The following ATP9B variants were observed in gnomAD, a reference collection of about 807,000 sequenced individuals.
ATP9B encodes the protein probable phospholipid-transporting ATPase IIB.
A neutral mutation model predicts 146.1 loss-of-function variants in ATP9B; 110 were observed. The observed-to-expected ratio is 0.75, with a 90% confidence interval of 0.65 to 0.88. The LOEUF (loss-of-function observed/expected upper bound fraction) is 0.88, where lower values mean the gene tolerates loss of function less well. Among genes scored for constraint, ATP9B ranks in the 40% least tolerant of loss-of-function variants. ATP9B has a pLI of 0.00. For missense variants in ATP9B, 1,499 were observed against 1,496.4 expected, an observed-to-expected ratio of 1.00 and a Z score of -0.03; for synonymous variants, 604 against 569.7, an observed-to-expected ratio of 1.06 and a Z score of -0.86.
intron 12 of ATP9B, among the ~76,000 whole-genome samples, chr18:79,272,364 C>T (rs751879749): frequency 6.6e-6 from 1 of 152,154 alleles, no homozygotes; most frequent in South Asian, 2.1e-4. Context: ...CCTGATGCAC[C>T]GTATGCATGT....
chr18:79,202,911 C>G (rs1468492955), intron 9 of ATP9B, among the ~76,000 whole-genome samples: 1 of 152,106 alleles, frequency 6.6e-6, no homozygotes, highest in Non-Finnish European at 1.5e-5. Context: ...ATTTGAGAAA[C>G]CCTTCTAAAA....
intron 12 of ATP9B, among the ~76,000 whole-genome samples, chr18:79,272,442 T>C (rs926865603): frequency 1.3e-5 from 2 of 152,110 alleles, no homozygotes; most frequent in Non-Finnish European, 2.9e-5. Flanking sequence ...GATACGCTCC[T>C]GTCCCTGAGC....
At chr18:79,322,665 C>T (rs935062939) in intron 15 of ATP9B, among the ~76,000 whole-genome samples, 6 of 152,192 alleles carry the variant, frequency 3.9e-5, no homozygotes, top group African/African-American at 1.4e-4. Context: ...TGGATTTGCT[C>T]CTATTTGTGT....
At chr18:79,375,795 C>G in intron 29 of ATP9B, 1 of 985,456 alleles carries the variant, frequency 1.0e-6, no homozygotes, top group Non-Finnish European at 1.2e-6. Flanking sequence ...CCCCTTCATA[C>G]AGAGATCCAG....
At chr18:79,174,650 G>T (rs533650029) in intron 7 of ATP9B, among the ~76,000 whole-genome samples, 2 of 152,282 alleles carry the variant, frequency 1.3e-5, no homozygotes, top group African/African-American at 4.8e-5. Flanking sequence ...TCTAGATTGT[G>T]TGAGTGCATA....
At chr18:79,219,730 A>G (rs1368751237) in intron 11 of ATP9B, among the ~76,000 whole-genome samples, 1 of 151,296 alleles carries the variant, frequency 6.6e-6, no homozygotes, top group African/African-American at 2.4e-5. Flanking sequence ...TCTTCATTAC[A>G]GTGTGTATAG....
At chr18:79,245,931 C>G in intron 11 of ATP9B, among the ~76,000 whole-genome samples, 1 of 149,416 alleles carries the variant, frequency 6.7e-6, no homozygotes, top group Non-Finnish European at 1.5e-5. Flanking sequence ...GTGCGGAGGG[C>G]ACCACCCTAC....
At chr18:79,208,097 T>C (rs911020331) in intron 10 of ATP9B, among the ~76,000 whole-genome samples, 18 of 151,962 alleles carry the variant, frequency 1.2e-4, no homozygotes, top group African/African-American at 3.9e-4. Context: ...TACAAAAAAT[T>C]AGCCGGGCGT....
At chr18:79,110,314 G>C (rs1226590304) in intron 2 of ATP9B, 41 bp from the exon 3 acceptor site, 1 of 1,493,378 alleles carries the variant, frequency 6.7e-7, no homozygotes, top group Non-Finnish European at 8.9e-7. Flanking sequence ...TTTTTAAAAA[G>C]CAAAAAAAAA....
At chr18:79,175,001 C>G (rs1289695055) in intron 7 of ATP9B, among the ~76,000 whole-genome samples, 1 of 151,866 alleles carries the variant, frequency 6.6e-6, no homozygotes, top group East Asian at 1.9e-4. Context: ...GAGATCGAGA[C>G]CATCCTGGCC....
At chr18:79,126,224 G>C (rs1263444629) in intron 4 of ATP9B, 43 bp from the exon 5 acceptor site, 12 of 1,493,044 alleles carry the variant, frequency 8.0e-6, no homozygotes, top group Middle Eastern at 1.8e-4. Context: ...TGTCTTTTTT[G>C]TTAAAGTTTA....
At chr18:79,069,555 T>G in intron 1 of ATP9B, 26 bp downstream of exon 1, 1 of 1,283,992 alleles carries the variant, frequency 7.8e-7, no homozygotes, top group Non-Finnish European at 9.9e-7. Context: ...CTGGCCCCGT[T>G]CCCCGCCGAC....
chr18:79,181,352 G>T lies in ATP9B; in HGVS notation c.873+4445G>T, dbSNP rs191331729. On this transcript the variant is annotated intron_variant, in intron 8 of 29. Coordinates refer to ENST00000426216, the MANE Select transcript of ATP9B (RefSeq NM_198531.5). ...TCATTTGTCTTGCTTGGGTTTGTTG[G>T]GCTTCTTGTATCTGGAGTTTCATGG... Among the ~76,000 whole-genome samples, 456 of 152,084 alleles carry T rather than the reference G, an allele frequency of 3.0e-3. 4 individuals carry two copies. Among genetic ancestry groups the T allele is most frequent in the Non-Finnish European group, 4.5e-3 (309 of 67,990 alleles).
At chr18:79,375,882 C>T (rs1231147416) in intron 29 of ATP9B, 1 of 985,292 alleles carries the variant, frequency 1.0e-6, no homozygotes, top group Admixed American at 6.2e-5. Context: ...CGGCAACAGT[C>T]TAAAGGGATT....
At chr18:79,176,171 T>G (rs2095166346) in intron 7 of ATP9B, among the ~76,000 whole-genome samples, 1 of 152,248 alleles carries the variant, frequency 6.6e-6, no homozygotes, top group South Asian at 2.1e-4. Flanking sequence ...CTTCTGTTAT[T>G]ATAAATAATG....
In ATP9B at chr18:79,327,556, CGTGCTCTCCGTGGTT is replaced by C. The variant is rs1568697455; in HGVS notation, c.1774-1584_1774-1570del. 8.3e-3 allele frequency among the ~76,000 whole-genome samples: 885 copies of C among 107,046 alleles called. 50 individuals carry two copies. Among genetic ancestry groups the C allele is most frequent in the African/African-American group, 0.035 (818 of 23,128 alleles). The allele number at this position is 107,046 out of a possible 152,430, so 70.2% of individuals were successfully genotyped here. On this transcript the variant is annotated intron_variant, in intron 15 of 29. Coordinates refer to ENST00000426216, the MANE Select transcript of ATP9B (RefSeq NM_198531.5). ...TGGTTAGCGTGCTCTCCGTGGTTAG[CGTGCTCTCCGTGGTT>C]AGCGTGCTCTCCGTGGTTAACGTGC...
chr18:79,222,662 T>TG (rs2095691591), intron 11 of ATP9B, among the ~76,000 whole-genome samples: 1 of 152,206 alleles, frequency 6.6e-6, no homozygotes. Flanking sequence ...TTCTTGAAGG[T>TG]GAGGATTAGA....
chr18:79,327,696 TTAGTGTGCTCTCTCCATGG>T (rs1442536733), intron 15 of ATP9B, among the ~76,000 whole-genome samples: 4 of 134,918 alleles, frequency 3.0e-5, no homozygotes, highest in Non-Finnish European at 3.1e-5. Flanking sequence ...CTCTCCGTGG[TTAGTGTGCTCTCTCCATGG>T]TTAGCGTGCT....
Position 79,216,464 on chromosome 18 carries a change from A to G in ATP9B, c.1107+2426A>G, listed in dbSNP as rs957916669. Among the ~76,000 whole-genome samples, 16 of 152,362 alleles carry G rather than the reference A, an allele frequency of 1.1e-4. No homozygotes were observed. In the East Asian group the frequency reaches 2.9e-3, roughly 28 times the overall value. ...GCTCATGCACACGTTGCTCTTAGGA[A>G]AGTACTTGCTACATGACAGATGCTC... On this transcript the variant is annotated intron_variant, in intron 11 of 29. Coordinates refer to ENST00000426216, the MANE Select transcript of ATP9B (RefSeq NM_198531.5).
Sources: gnomAD v4.1 joint callset for allele counts (sites outside exome capture counted in the v4.1 genomes callset) on GRCh38, gnomAD v4.1.1 for gene constraint, MANE v1.5 for transcripts, NCBI Gene and HGNC (gene_info 2026-07-23, HGNC 2026-07-21) for gene names.